Variants in ALK observed in about 807,000 individuals in gnomAD.
ALK encodes ALK tyrosine kinase receptor.
ALK carries 74 observed loss-of-function variants against 163.1 expected under a neutral mutation model. The ratio of observed to expected loss-of-function variants is 0.45; its 90% CI spans 0.38 to 0.55. The LOEUF (loss-of-function observed/expected upper bound fraction) is 0.55, where lower values mean the gene tolerates loss of function less well. Among genes scored for constraint, ALK ranks in the 20% least tolerant of loss-of-function variants. ALK has a pLI of 0.00. For synonymous variants in ALK, 960 were observed against 843.2 expected (o/e 1.14, Z -2.40); for missense variants, 2,063 against 2,105.3 (o/e 0.98, Z 0.39).
In ALK at chr2:29,233,707, A is replaced by G. The variant is rs1158193101; in HGVS notation, c.2356-11T>C. On this transcript the variant is annotated splice_polypyrimidine_tract_variant and intron_variant, in intron 13 of 28. Coordinates refer to ENST00000389048, the MANE Select transcript of ALK (RefSeq NM_004304.5). ...GATTAACTGGTTTGTCTGTAGAAACAAAAAGCACGTTAGGTTTGTGGCCAA... is the reference window on the plus strand; with the variant it reads ...GATTAACTGGTTTGTCTGTAGAAACGAAAAGCACGTTAGGTTTGTGGCCAA... 1 of 1,614,252 alleles carries G rather than the reference A, an allele frequency of 6.2e-7. No homozygotes were observed. Among genetic ancestry groups the G allele is most frequent in the African/African-American group, 1.3e-5 (1 of 75,078 alleles).
At chr2:29,758,135 G>T (rs772322044) in intron 1 of ALK, among the ~76,000 whole-genome samples, 3 of 150,284 alleles carry the variant, frequency 2.0e-5, no homozygotes, top group Admixed American at 6.7e-5. Flanking sequence ...CTCAGCCTCT[G>T]GAGTAGCTAG....
intron 5 of ALK, among the ~76,000 whole-genome samples, chr2:29,380,412 CTTTTGT>C (rs1326102049): frequency 6.6e-6 from 1 of 151,442 alleles, no homozygotes; most frequent in Non-Finnish European, 1.5e-5. Flanking sequence ...CTGCTGCACA[CTTTTGT>C]TTTTGTTTTT....
At position 29,693,406 on chromosome 2, in the gene ALK, TACACAC is replaced by T. The variant is rs58588313; in HGVS notation, c.952+1438_952+1443del. Among the ~76,000 whole-genome samples, 596 of 145,260 alleles carry T rather than the reference TACACAC, an allele frequency of 4.1e-3. 4 individuals are homozygous for T. Among genetic ancestry groups the T allele is most frequent in the African/African-American group, 0.014 (564 of 39,862 alleles). On this transcript the variant is annotated intron_variant, in intron 3 of 28. Transcript: ENST00000389048. ...CACTGTCAGGTTAAGAGCACTCACCTACACACACACACACACACACACACACACACA... is the reference window on the plus strand; with the variant it reads ...CACTGTCAGGTTAAGAGCACTCACCTACACACACACACACACACACACACA...
intron 8 of ALK, among the ~76,000 whole-genome samples, chr2:29,309,665 TC>T (rs1666643307): frequency 6.8e-6 from 1 of 147,928 alleles, no homozygotes; most frequent in Admixed American, 6.9e-5. Flanking sequence ...ATTTGTTGGG[TC>T]CTCGAGACTC....
chr2:29,862,884 T>C (rs1666330361), intron 1 of ALK, among the ~76,000 whole-genome samples: 1 of 150,962 alleles, frequency 6.6e-6, no homozygotes, highest in Non-Finnish European at 1.5e-5. Flanking sequence ...TAAGCTTTAG[T>C]AATCAAAACA....
At chr2:29,546,869 C>A (rs1673568678) in intron 3 of ALK, among the ~76,000 whole-genome samples, 2 of 152,130 alleles carry the variant, frequency 1.3e-5, no homozygotes, top group Non-Finnish European at 2.9e-5. Context: ...TTCTGATGTT[C>A]CATCTACTGT....
At chr2:29,607,670 C>G (rs1675575487) in intron 3 of ALK, among the ~76,000 whole-genome samples, 1 of 152,176 alleles carries the variant, frequency 6.6e-6, no homozygotes, top group Non-Finnish European at 1.5e-5. Flanking sequence ...CTCTTGGCTT[C>G]TGGGACCCCA....
At chr2:29,446,932 C>T (rs377318183) in intron 4 of ALK, among the ~76,000 whole-genome samples, 1 of 152,166 alleles carries the variant, frequency 6.6e-6, no homozygotes, top group Admixed American at 6.5e-5. Context: ...GCTTAATATT[C>T]TTTTCCAGTC....
rs1669413814 is a variant in ALK, at chr2:29,209,781, C to T, written c.3836+5G>A. The T allele has an allele frequency of 1.2e-6, 2 of 1,613,194 alleles. No homozygotes were observed. Among genetic ancestry groups the T allele is most frequent in the South Asian group, 2.2e-5 (2 of 91,056 alleles). On this transcript the variant is annotated splice_donor_5th_base_variant and intron_variant, in intron 25 of 28. Transcript: ENST00000389048. ...GCCCGGAGGGGTGAGGCAGTCTTTACTCACCTGTAGATGTCTCGGGCCATC... is the reference window on the plus strand; with the variant it reads ...GCCCGGAGGGGTGAGGCAGTCTTTATTCACCTGTAGATGTCTCGGGCCATC...
intron 4 of ALK, among the ~76,000 whole-genome samples, chr2:29,423,285 G>A (rs555429122): frequency 1.7e-4 from 26 of 152,318 alleles, no homozygotes; most frequent in Non-Finnish European, 4.4e-5. Context: ...GAACTTGCCT[G>A]TGAGCCCTTT....
chr2:29,397,227 T>G (rs191000578), intron 4 of ALK, among the ~76,000 whole-genome samples: 193 of 152,290 alleles, frequency 1.3e-3, no homozygotes, highest in South Asian at 7.1e-3. Context: ...TATGACTATA[T>G]TCTTATAAAA....
chr2:29,555,404 T>A (rs1470507057), intron 3 of ALK, among the ~76,000 whole-genome samples: 1 of 152,140 alleles, frequency 6.6e-6, no homozygotes, highest in African/African-American at 2.4e-5. Context: ...GCTGGGCTGC[T>A]GAAATTTACT....
At chr2:29,736,994 A>G (rs1022209664) in intron 1 of ALK, among the ~76,000 whole-genome samples, 4 of 152,132 alleles carry the variant, frequency 2.6e-5, no homozygotes, top group Admixed American at 6.5e-5. Context: ...GAACCTAAAG[A>G]TTAGAAAGAA....
At chr2:29,911,818 A>C (rs1667710889) in intron 1 of ALK, among the ~76,000 whole-genome samples, 1 of 152,252 alleles carries the variant, frequency 6.6e-6, no homozygotes, top group Non-Finnish European at 1.5e-5. Flanking sequence ...TGCCAATAAT[A>C]AGATCATCCA....
At chr2:29,775,217 T>A (rs79921190) in intron 1 of ALK, among the ~76,000 whole-genome samples, 3,702 of 152,292 alleles carry the variant, frequency 0.024, 64 homozygotes, top group South Asian at 0.064. Flanking sequence ...ATGAATTAGA[T>A]GGGGATTTGA....
At chr2:29,816,868 A>G (rs539242798) in intron 1 of ALK, among the ~76,000 whole-genome samples, 1 of 152,368 alleles carries the variant, frequency 6.6e-6, no homozygotes, top group Admixed American at 6.5e-5. Flanking sequence ...TCAGATTTCA[A>G]TAGAGGAGTG....
intron 3 of ALK, among the ~76,000 whole-genome samples, chr2:29,675,787 A>G (rs1252948234): frequency 6.6e-6 from 1 of 152,026 alleles, no homozygotes; most frequent in Non-Finnish European, 1.5e-5. Context: ...TGTAGCAAAC[A>G]TTGTGCCAAT....
chr2:29,828,162 T>C (rs992786485), intron 1 of ALK, among the ~76,000 whole-genome samples: 1 of 152,166 alleles, frequency 6.6e-6, no homozygotes, highest in Non-Finnish European at 1.5e-5. Context: ...ATACAAAAAT[T>C]AATTCGAGAT....
At chr2:29,205,512 G>C (rs1669289040) in intron 26 of ALK, among the ~76,000 whole-genome samples, 1 of 152,166 alleles carries the variant, frequency 6.6e-6, no homozygotes, top group Admixed American at 6.5e-5. Context: ...TCTGAAACTG[G>C]TATCACAGGA....
Sources: allele counts gnomAD v4.1 joint callset (sites outside exome capture counted in the v4.1 genomes callset), GRCh38; gene constraint gnomAD v4.1.1; transcripts MANE v1.5; gene names NCBI Gene and HGNC (gene_info 2026-07-23, HGNC 2026-07-21).